The following IKBKB-DT variants were observed in gnomAD, a reference collection of about 807,000 sequenced individuals.
IKBKB-DT encodes the protein IKBKB divergent transcript.
chr8:42,241,260 T>G (rs1263229349), intron 3 of IKBKB-DT, among the ~76,000 whole-genome samples: 1 of 86,570 alleles, frequency 1.2e-5, no homozygotes, highest in African/African-American at 7.1e-5. Flanking sequence ...TTTTTTTTTT[T>G]TTTTTTGCCT....
At chr8:42,242,858 G>A (rs1055456254) in intron 3 of IKBKB-DT, among the ~76,000 whole-genome samples, 9 of 152,198 alleles carry the variant, frequency 5.9e-5, no homozygotes, top group African/African-American at 1.9e-4. Flanking sequence ...CTGCAGGACC[G>A]GACTTTGTAG....
intron 3 of IKBKB-DT, among the ~76,000 whole-genome samples, chr8:42,239,635 T>TATATATATATATATATATATATATA (rs56036653): frequency 5.5e-5 from 3 of 54,116 alleles, no homozygotes; most frequent in African/African-American, 1.1e-4. Context: ...TATATATATA[T>TATATATATATATATATATATATATA]TTATTTATTT....
intron 3 of IKBKB-DT, among the ~76,000 whole-genome samples, chr8:42,258,279 C>T (rs923393759): frequency 6.6e-6 from 1 of 152,004 alleles, no homozygotes; most frequent in African/African-American, 2.4e-5. Flanking sequence ...AAGATTCTCT[C>T]TCTCTAACTT....
At chr8:42,251,069 C>A (rs1027256022) in intron 3 of IKBKB-DT, among the ~76,000 whole-genome samples, 1 of 137,442 alleles carries the variant, frequency 7.3e-6, no homozygotes, top group Non-Finnish European at 1.5e-5. Context: ...ACGAGACCAG[C>A]CTGGCCAACA....
intron 1 of IKBKB-DT, among the ~76,000 whole-genome samples, chr8:42,269,845 T>C (rs1010615706): frequency 1.3e-5 from 2 of 152,064 alleles, no homozygotes; most frequent in Non-Finnish European, 2.9e-5. Flanking sequence ...TGGCCTCCTT[T>C]CTATGACTTT....
intron 3 of IKBKB-DT, among the ~76,000 whole-genome samples, chr8:42,251,534 G>A (rs1807128761): frequency 6.6e-6 from 1 of 152,184 alleles, no homozygotes; most frequent in South Asian, 2.1e-4. Context: ...GTTTAACAAA[G>A]AGTTATTAGC....
chr8:42,266,127 C>G (rs1301250444), exon 2 of IKBKB-DT: 1 of 152,224 alleles, frequency 6.6e-6, no homozygotes, highest in African/African-American at 2.4e-5. Flanking sequence ...GAGTTTTTGT[C>G]TGTTGAAGAA....
At chr8:42,248,256 T>C (rs931143852) in intron 3 of IKBKB-DT, among the ~76,000 whole-genome samples, 1 of 152,040 alleles carries the variant, frequency 6.6e-6, no homozygotes, top group Non-Finnish European at 1.5e-5. Context: ...CGGACTAATA[T>C]AGGTGGTAAT....
chr8:42,235,205 C>CTTTTTTTTTTT (rs746414963), intron 3 of IKBKB-DT, among the ~76,000 whole-genome samples: 98 of 99,388 alleles, frequency 9.9e-4, no homozygotes, highest in African/African-American at 1.7e-3. Flanking sequence ...CTTTTATTTT[C>CTTTTTTTTTTT]TTTTTTTTTT....
chr8:42,248,166 G>A (rs954021936), intron 3 of IKBKB-DT, among the ~76,000 whole-genome samples: 2 of 151,850 alleles, frequency 1.3e-5, no homozygotes, highest in Admixed American at 1.3e-4. Context: ...CCAGCTATGT[G>A]GAACTGTGAA....
At chr8:42,263,408 C>T (rs968418141) in exon 3 of IKBKB-DT, 1 of 152,164 alleles carries the variant, frequency 6.6e-6, no homozygotes, top group Non-Finnish European at 1.5e-5. Flanking sequence ...ATCTGGGTCA[C>T]CGAAACTGTA....
At chr8:42,243,100 G>A (rs1807024100) in intron 3 of IKBKB-DT, among the ~76,000 whole-genome samples, 1 of 152,180 alleles carries the variant, frequency 6.6e-6, no homozygotes, top group Non-Finnish European at 1.5e-5. Context: ...CAGGTTGGGG[G>A]TGGTCCTCGT....
intron 3 of IKBKB-DT, among the ~76,000 whole-genome samples, chr8:42,252,422 C>T (rs1230465524): frequency 6.6e-6 from 1 of 152,210 alleles, no homozygotes; most frequent in Non-Finnish European, 1.5e-5. Flanking sequence ...CGTGTGTCTG[C>T]ATCCTCTATT....
chr8:42,253,179 T>C (rs1224309907), intron 3 of IKBKB-DT, among the ~76,000 whole-genome samples: 3 of 152,220 alleles, frequency 2.0e-5, no homozygotes, highest in Non-Finnish European at 2.9e-5. Context: ...TCTTTTATCT[T>C]AACCTGAACA....
At chr8:42,245,878 C>T (rs1332837888) in intron 3 of IKBKB-DT, among the ~76,000 whole-genome samples, 2 of 152,008 alleles carry the variant, frequency 1.3e-5, no homozygotes, top group Admixed American at 6.6e-5. Flanking sequence ...TGCAGATACA[C>T]GTAAAAGGAT....
At chr8:42,256,333 A>G (rs981595212) in intron 3 of IKBKB-DT, among the ~76,000 whole-genome samples, 2 of 151,626 alleles carry the variant, frequency 1.3e-5, no homozygotes, top group African/African-American at 4.8e-5. Context: ...AGGCTGAGGC[A>G]GGTGGATAGC....
At chr8:42,245,683 G>A (rs1479764492) in intron 3 of IKBKB-DT, among the ~76,000 whole-genome samples, 4 of 152,196 alleles carry the variant, frequency 2.6e-5, no homozygotes, top group African/African-American at 9.6e-5. Context: ...AGCTCAGAAA[G>A]GAAAGACAGC....
At chr8:42,250,242 T>G (rs943200037) in intron 3 of IKBKB-DT, among the ~76,000 whole-genome samples, 31 of 151,818 alleles carry the variant, frequency 2.0e-4, no homozygotes, top group Admixed American at 1.4e-3. Context: ...ATAGTCCTCC[T>G]GGGCACTGAG....
intron 3 of IKBKB-DT, among the ~76,000 whole-genome samples, chr8:42,247,879 G>T (rs1303639287): frequency 6.6e-6 from 1 of 152,102 alleles, no homozygotes; most frequent in Non-Finnish European, 1.5e-5. Context: ...TGGATCACAA[G>T]GTCAGGAGCT....
Sources: gnomAD v4.1 joint callset for allele counts (sites outside exome capture counted in the v4.1 genomes callset) on GRCh38, gnomAD v4.1.1 for gene constraint, MANE v1.5 for transcripts, NCBI Gene and HGNC (gene_info 2026-07-23, HGNC 2026-07-21) for gene names.